The following PSD3 variants were observed in gnomAD, a reference collection of about 807,000 sequenced individuals.
The protein encoded by PSD3 is pleckstrin and Sec7 domain containing 3.
Under a neutral mutation model 105.5 loss-of-function variants are expected in PSD3, and 49 were observed. That is an observed-to-expected ratio of 0.46 (90% CI 0.37 to 0.59). The LOEUF is 0.59. Ranked by LOEUF, PSD3 falls within the 20% of genes least tolerant of loss-of-function variation. The pLI, the probability that PSD3 is intolerant of heterozygous loss-of-function variation, is 0.00. For synonymous variants in PSD3, 557 were observed against 457.8 expected (o/e 1.22, Z -2.77); for missense variants, 1,561 against 1,263.8 (o/e 1.24, Z -3.57).
At chr8:18,699,782 T>C (rs889495320) in intron 9 of PSD3, among the ~76,000 whole-genome samples, 6 of 152,134 alleles carry the variant, frequency 3.9e-5, no homozygotes, top group African/African-American at 1.4e-4. Context: ...TGAGCAGTTT[T>C]AGTTATTACC....
intron 9 of PSD3, among the ~76,000 whole-genome samples, chr8:18,715,598 A>G (rs1396659631): frequency 1.3e-5 from 2 of 152,212 alleles, no homozygotes; most frequent in Non-Finnish European, 2.9e-5. Flanking sequence ...AATAAAACAT[A>G]ATTTTTAAAA....
At chr8:19,046,463 C>T (rs1003825339) in intron 1 of PSD3, among the ~76,000 whole-genome samples, 1 of 152,152 alleles carries the variant, frequency 6.6e-6, no homozygotes, top group Non-Finnish European at 1.5e-5. Context: ...CAACCGATTT[C>T]CTTTATTGGG....
chr8:19,046,409 G>A (rs933287737), intron 1 of PSD3, among the ~76,000 whole-genome samples: 1 of 151,956 alleles, frequency 6.6e-6, no homozygotes, highest in Non-Finnish European at 1.5e-5. Context: ...GTGCCTGGCC[G>A]GTAACTAGAT....
chr8:19,014,191 C>CTGGAG (rs1301607983), upstream of PSD3: 3 of 152,502 alleles, frequency 2.0e-5, no homozygotes, highest in African/African-American at 7.2e-5. This position sits in a 1 kb window ranked among gnomAD's most constrained non-coding sequence, Gnocchi z 4.9. Context: ...CTCGCCGGGG[C>CTGGAG]TGGAGGTACG....
chr8:18,753,704 A>C (rs1177815249), intron 9 of PSD3, among the ~76,000 whole-genome samples: 1 of 152,144 alleles, frequency 6.6e-6, no homozygotes, highest in Non-Finnish European at 1.5e-5. Flanking sequence ...GATTGAAGGT[A>C]ATTTCTTTAA....
intron 12 of PSD3, among the ~76,000 whole-genome samples, chr8:18,586,677 A>G (rs1353363542): frequency 1.3e-5 from 2 of 152,042 alleles, no homozygotes; most frequent in African/African-American, 4.8e-5. Flanking sequence ...TCTTTCGAAG[A>G]CCAATTTGAT....
chr8:18,716,117 G>T (rs567836598), intron 9 of PSD3, among the ~76,000 whole-genome samples: 2 of 152,276 alleles, frequency 1.3e-5, no homozygotes, highest in South Asian at 4.1e-4. Context: ...TGAGTGCAGA[G>T]AACAAAATCT....
At chr8:18,557,471 C>T (rs1801150978) in intron 14 of PSD3, 2 of 154,120 alleles carry the variant, frequency 1.3e-5, no homozygotes, top group African/African-American at 2.4e-5. Flanking sequence ...ATCTTACGGA[C>T]TTTTGTAATA....
chr8:19,067,016 A>T (rs895354339), intron 1 of PSD3, among the ~76,000 whole-genome samples: 1 of 152,184 alleles, frequency 6.6e-6, no homozygotes, highest in African/African-American at 2.4e-5. Context: ...ATTATTAGTT[A>T]TAATCACAGG....
rs570362731 is a variant in PSD3 at position 18,811,748 on chromosome 8, A to G, written c.1635-6850T>C. On this transcript the variant is annotated intron_variant, in intron 4 of 15. Transcript: ENST00000327040. The stretch of plus-strand genomic sequence containing the variant: ...GTGTGAGGGCAAGCAAGAAAGCCAG[A>G]GTGGCTGGGGCAGAGGCAGTGAACG... Among the ~76,000 whole-genome samples the G allele has an allele frequency of 8.6e-4, 131 of 152,306 alleles. 1 individual carries two copies. The highest frequency in any genetic ancestry group is 2.9e-3 in the African/African-American group (121 of 41,568).
chr8:19,056,578 A>G (rs1479295158), intron 1 of PSD3, among the ~76,000 whole-genome samples: 1 of 152,228 alleles, frequency 6.6e-6, no homozygotes, highest in African/African-American at 2.4e-5. Flanking sequence ...CAGGCAGCAA[A>G]CATTCCATTA....
Position 18,572,580 on chromosome 8 carries a change from T to C in PSD3, c.2732A>G (p.Gln911Arg). The change falls in exon 14 of 16, where the codon CAG becomes CGG. Residue 911 changes from glutamine (Q) to arginine (R), a missense_variant. Transcript: ENST00000327040. ...APPFPAAIGS[Q>R]KKFSRPLLPA... is the part of the protein sequence containing the mutation. ...CAGAAGTGGGCGGCTAAACTTCTTC[T>C]GAGAGCCGATTGCTGCTGGAAATGG... 8 of 1,614,108 alleles carry C rather than the reference T, an allele frequency of 5.0e-6. No individual in the cohort carries two copies. The highest frequency in any genetic ancestry group is 6.8e-6 in the Non-Finnish European group (8 of 1,179,948).
At chr8:19,082,240 C>G (rs1180502951) in intron 1 of PSD3, among the ~76,000 whole-genome samples, 1 of 152,176 alleles carries the variant, frequency 6.6e-6, no homozygotes. Context: ...AGGGTGCTAA[C>G]TTCCCAACTC....
At chr8:18,581,093 G>C (rs191642897) in intron 12 of PSD3, among the ~76,000 whole-genome samples, 1 of 152,324 alleles carries the variant, frequency 6.6e-6, no homozygotes, top group African/African-American at 2.4e-5. Context: ...GCAAAGGCTT[G>C]TCAAAGCACT....
intron 11 of PSD3, among the ~76,000 whole-genome samples, chr8:18,613,137 TAG>T (rs976280608): frequency 4.6e-5 from 7 of 152,066 alleles, no homozygotes; most frequent in Non-Finnish European, 8.8e-5. Flanking sequence ...ACACCAGTGA[TAG>T]AGACAGGAGG....
At chr8:18,930,786 T>G (rs1821700015) in intron 2 of PSD3, among the ~76,000 whole-genome samples, 2 of 152,036 alleles carry the variant, frequency 1.3e-5, no homozygotes. Flanking sequence ...GCCAGGATGG[T>G]CTCCATCTCT....
chr8:18,548,590 G>A (rs1800583507), intron 15 of PSD3, among the ~76,000 whole-genome samples: 1 of 152,180 alleles, frequency 6.6e-6, no homozygotes, highest in Non-Finnish European at 1.5e-5. Flanking sequence ...TCTTGATCCT[G>A]CAAGGCTGAG....
At chr8:18,867,152 G>A (rs1817003780) in intron 4 of PSD3, among the ~76,000 whole-genome samples, 1 of 152,188 alleles carries the variant, frequency 6.6e-6, no homozygotes, top group African/African-American at 2.4e-5. Flanking sequence ...TCAAGCATCT[G>A]TCTAATCGGA....
intron 8 of PSD3, among the ~76,000 whole-genome samples, chr8:18,796,682 T>A (rs555730836): frequency 2.7e-4 from 41 of 152,240 alleles, no homozygotes; most frequent in African/African-American, 9.1e-4. Flanking sequence ...TCAGACCTCC[T>A]CATAGGGGAG....
Sources: allele counts gnomAD v4.1 joint callset (sites outside exome capture counted in the v4.1 genomes callset), GRCh38; gene constraint gnomAD v4.1.1; non-coding constraint Gnocchi (gnomAD v3.1); transcripts MANE v1.5; gene names NCBI Gene and HGNC (gene_info 2026-07-23, HGNC 2026-07-21).